The following MYO1B variants were observed in gnomAD, a reference collection of about 807,000 sequenced individuals.
MYO1B encodes the protein myosin IB, also known as unconventional myosin-Ib.
Under a neutral mutation model 159.7 loss-of-function variants are expected in MYO1B, and 72 were observed. That is an observed-to-expected ratio of 0.45 (90% CI 0.37 to 0.55). The LOEUF is 0.55. MYO1B is among the 20% of genes least tolerant of loss of function. The probability of loss-of-function intolerance (pLI) is 0.00; values close to 1 mark genes in which losing one functional copy is unlikely to be tolerated. For missense variants in MYO1B, 1,062 were observed against 1,364.8 expected (o/e 0.78, Z 3.50); for synonymous variants, 468 against 473.8 (o/e 0.99, Z 0.16).
In MYO1B at chr2:191,364,110, C is replaced by T. The variant is rs770891646; in HGVS notation, c.914-48C>T. On this transcript the variant is annotated intron_variant, in intron 10 of 30. Transcript: ENST00000392318. The stretch of plus-strand genomic sequence containing the variant: ...CCTAAGCCTTCAAAATTATTATTAG[C>T]AGCACGTGTACAGTCACTTTTTGTG... 2.1e-6 allele frequency: 3 copies of T among 1,437,400 alleles called. No homozygotes were observed. The African/African-American group carries it at 4.2e-5, about 20-fold the overall frequency. 89.0% of individuals were successfully genotyped at this position (1,437,400 alleles called of 1,614,324 possible).
chr2:191,256,946 AT>A (rs34462525), intron 1 of MYO1B, among the ~76,000 whole-genome samples: 80,867 of 150,960 alleles, frequency 0.54, 25,455 homozygotes, highest in Non-Finnish European at 0.68. Flanking sequence ...TTTTCTGTGA[AT>A]TTTTTTTTTA....
intron 1 of MYO1B, among the ~76,000 whole-genome samples, chr2:191,269,717 C>T (rs955836163): frequency 1.3e-5 from 2 of 151,706 alleles, no homozygotes; most frequent in East Asian, 1.9e-4. Flanking sequence ...GCTGTGGTGG[C>T]GAGACAAGGC....
intron 3 of MYO1B, among the ~76,000 whole-genome samples, chr2:191,310,997 G>A (rs966840220): frequency 6.6e-6 from 1 of 152,042 alleles, no homozygotes; most frequent in Non-Finnish European, 1.5e-5. Context: ...TTTAGGAAGG[G>A]GCAACATTTG....
At chr2:191,379,825 T>C (rs1046850731) in intron 13 of MYO1B, among the ~76,000 whole-genome samples, 2 of 152,238 alleles carry the variant, frequency 1.3e-5, no homozygotes, top group Non-Finnish European at 2.9e-5. Flanking sequence ...GGAATGCCTT[T>C]ATGCTGAGTA....
At chr2:191,357,936 A>T (rs189255684) in intron 7 of MYO1B, among the ~76,000 whole-genome samples, 193 of 152,366 alleles carry the variant, frequency 1.3e-3, no homozygotes, top group Middle Eastern at 3.4e-3. Flanking sequence ...GAGAAAAGTC[A>T]TAAAGAAATT....
rs1559203658 is a variant in MYO1B at position 191,364,280 on chromosome 2, G to A, written c.1032+4G>A. 1 of 1,604,342 alleles carries A rather than the reference G, an allele frequency of 6.2e-7. No homozygotes were observed. The highest frequency in any genetic ancestry group is 1.3e-5 in the African/African-American group (1 of 74,688). ...AACTACACTGAATGTGGCTCAGGTG[G>A]GTGAAACATAATGTACAGACGAAAG... On this transcript the variant is annotated splice_donor_region_variant and intron_variant, in intron 11 of 30. Coordinates refer to ENST00000392318, the MANE Select transcript of MYO1B (RefSeq NM_001130158.3).
chr2:191,364,305 G>A, intron 11 of MYO1B, 29 bp downstream of exon 11: 1 of 1,543,610 alleles, frequency 6.5e-7, no homozygotes, highest in Non-Finnish European at 8.9e-7. Context: ...ACAGACGAAA[G>A]TTTCTTAAAA....
At chr2:191,334,641 A>C (rs1178271226) in intron 4 of MYO1B, among the ~76,000 whole-genome samples, 1 of 152,082 alleles carries the variant, frequency 6.6e-6, no homozygotes, top group African/African-American at 2.4e-5. Flanking sequence ...CCTTTATCAG[A>C]AGCTGGAAAA....
intron 7 of MYO1B, among the ~76,000 whole-genome samples, chr2:191,352,111 ACGATGT>A (rs1692963418): frequency 6.6e-6 from 1 of 152,216 alleles, no homozygotes; most frequent in East Asian, 1.9e-4. Flanking sequence ...CAAACCACAT[ACGATGT>A]AACCAAAGGC....
rs139705512 is a variant in MYO1B, at chr2:191,296,244, G to A, written c.251+18G>A. ...CCTCACATGTAAGTACTGTACTAAAGCATTAAGTTTCTCTTTTACTCCAGA... is the reference window on the plus strand; with the variant it reads ...CCTCACATGTAAGTACTGTACTAAAACATTAAGTTTCTCTTTTACTCCAGA... On this transcript the variant is annotated intron_variant, in intron 3 of 30. Transcript: ENST00000392318. The A allele has an allele frequency of 0.014, 20,731 of 1,469,692 alleles. 173 individuals are homozygous for A. Among genetic ancestry groups the A allele is most frequent in the Middle Eastern group, 0.026 (149 of 5,720 alleles). The allele number at this position is 1,469,692 out of a possible 1,614,324, so 91.0% of individuals were successfully genotyped here.
At chr2:191,407,254 T>G (rs1696975194) in intron 24 of MYO1B, among the ~76,000 whole-genome samples, 1 of 152,172 alleles carries the variant, frequency 6.6e-6, no homozygotes, top group African/African-American at 2.4e-5. Context: ...AGAAATATTT[T>G]GAACATGTGC....
chr2:191,412,941 A>G (rs1697337855), intron 27 of MYO1B, among the ~76,000 whole-genome samples: 1 of 152,206 alleles, frequency 6.6e-6, no homozygotes, highest in Non-Finnish European at 1.5e-5. Flanking sequence ...CTCCTTTCAT[A>G]TACAGATGCT....
intron 2 of MYO1B, among the ~76,000 whole-genome samples, chr2:191,281,364 G>A (rs1042185341): frequency 6.6e-6 from 1 of 152,178 alleles, no homozygotes; most frequent in Non-Finnish European, 1.5e-5. Flanking sequence ...AACACACAGG[G>A]TCAGAGACTC....
intron 6 of MYO1B, among the ~76,000 whole-genome samples, chr2:191,349,127 C>G (rs1406831372): frequency 6.6e-6 from 1 of 152,200 alleles, no homozygotes; most frequent in East Asian, 1.9e-4. Context: ...TCAATTCCCC[C>G]GCTAGACAGT....
chr2:191,411,296 A>G (rs1697235830), intron 27 of MYO1B, 124 bp downstream of exon 27: 2 of 586,208 alleles, frequency 3.4e-6, no homozygotes, highest in Non-Finnish European at 6.0e-6. Context: ...TCTGTGAATC[A>G]TTTTATAATC....
intron 7 of MYO1B, among the ~76,000 whole-genome samples, chr2:191,359,284 A>T (rs1285779228): frequency 6.9e-6 from 1 of 144,662 alleles, no homozygotes; most frequent in Non-Finnish European, 1.5e-5. Context: ...CCTAAGTTAT[A>T]TCCCACTTGT....
rs962102631 is a variant in MYO1B at position 191,424,200 on chromosome 2, G to C, written c.*240G>C. 10 of 465,796 alleles carry C rather than the reference G, an allele frequency of 2.1e-5. No homozygotes were observed. 28.9% of individuals were successfully genotyped at this position (465,796 alleles called of 1,614,324 possible). ...CAGTGTCTATTTTCATGTCTGATGTGTTCTTCCTTTAGTCATCATGTTAGG... is the reference window on the plus strand; with the variant it reads ...CAGTGTCTATTTTCATGTCTGATGTCTTCTTCCTTTAGTCATCATGTTAGG... On this transcript the variant is annotated 3_prime_UTR_variant, in exon 31 of 31. Transcript: ENST00000392318.
Position 191,288,236 on chromosome 2 carries a change from C to G in MYO1B, c.136-7875C>G, listed in dbSNP as rs570937421. Among the ~76,000 whole-genome samples, 155 of 66,708 alleles carry G rather than the reference C, an allele frequency of 2.3e-3. 1 individual carries two copies. Among genetic ancestry groups the G allele is most frequent in the African/African-American group, 4.1e-3 (92 of 22,228 alleles). 43.8% of individuals were successfully genotyped at this position (66,708 alleles called of 152,430 possible). A position where few individuals can be genotyped will look rare whatever the true frequency, so the allele number is the denominator to read the frequency against. On this transcript the variant is annotated intron_variant, in intron 2 of 30. Transcript: ENST00000392318. ...AAAAAATATATTTTGAAGAAGATAG[C>G]TTAGCTTAAAAAAAAAAAAAAGAAG... is the stretch of plus-strand genomic sequence containing the variant.
Position 191,400,830 on chromosome 2 carries a change from T to A in MYO1B, c.2464T>A (p.Ser822Thr), listed in dbSNP as rs772991055. 7 of 1,613,728 alleles carry A rather than the reference T, an allele frequency of 4.3e-6. No individual in the cohort carries two copies. In the South Asian group the frequency reaches 7.7e-5, roughly 18 times the overall value. ...IAVIWAYWLG[S>T]KARRELKRLK... ...AGTTATTTGGGCTTACTGGCTTGGA[T>A]CTAAGGTACTTGATGCACATATCCC... Residue 822 changes from serine (S) to threonine (T), a missense_variant, in exon 23 of 31, where the codon TCT becomes ACT. Ser to Thr is a moderately conservative substitution (Grantham distance 58). Coordinates refer to ENST00000392318, the MANE Select transcript of MYO1B (RefSeq NM_001130158.3).
Sources: gnomAD v4.1 joint callset for allele counts (sites outside exome capture counted in the v4.1 genomes callset) on GRCh38, gnomAD v4.1.1 for gene constraint, MANE v1.5 for transcripts, NCBI Gene and HGNC (gene_info 2026-07-23, HGNC 2026-07-21) for gene names.